Variants in ADAMTSL1 observed in about 807,000 individuals in gnomAD.
ADAMTSL1 encodes ADAMTS-like protein 1.
ADAMTSL1 carries 126 observed loss-of-function variants against 201.8 expected under a neutral mutation model. That is an observed-to-expected ratio of 0.62 (90% CI 0.54 to 0.72). The LOEUF (loss-of-function observed/expected upper bound fraction) is 0.72, where lower values mean the gene tolerates loss of function less well. Among genes scored for constraint, ADAMTSL1 ranks in the 30% least tolerant of loss-of-function variants. The probability of loss-of-function intolerance (pLI) is 0.00; values close to 1 mark genes in which losing one functional copy is unlikely to be tolerated. For missense variants in ADAMTSL1, 2,679 were observed against 2,277.8 expected, an observed-to-expected ratio of 1.18 and a Z score of -3.59; for synonymous variants, 1,121 against 903.4, an observed-to-expected ratio of 1.24 and a Z score of -4.32.
intron 1 of ADAMTSL1, among the ~76,000 whole-genome samples, chr9:17,973,816 T>C: frequency 6.7e-6 from 1 of 150,184 alleles, no homozygotes; most frequent in African/African-American, 2.5e-5. Context: ...GTTCTTCCAT[T>C]TGTTGGTGTC....
chr9:18,891,788 G>A (rs545669594), intron 25 of ADAMTSL1, among the ~76,000 whole-genome samples: 37 of 152,308 alleles, frequency 2.4e-4, no homozygotes, highest in Non-Finnish European at 5.1e-4. Context: ...AGGTCAGGAG[G>A]TGACACGAAT....
chr9:18,700,048 C>T (rs1831832000), intron 13 of ADAMTSL1, among the ~76,000 whole-genome samples: 3 of 152,122 alleles, frequency 2.0e-5, no homozygotes, highest in East Asian at 1.9e-4. Flanking sequence ...ATTAAATATC[C>T]TTGAGTAAAG....
chr9:18,410,556 C>T (rs1257865965), intron 2 of ADAMTSL1, among the ~76,000 whole-genome samples: 1 of 152,204 alleles, frequency 6.6e-6, no homozygotes, highest in East Asian at 1.9e-4. Flanking sequence ...GACATGATCT[C>T]ATTCCTTTTT....
chr9:18,087,880 A>G (rs1469151601), intron 1 of ADAMTSL1, among the ~76,000 whole-genome samples: 2 of 152,160 alleles, frequency 1.3e-5, no homozygotes, highest in African/African-American at 4.8e-5. Flanking sequence ...TGGATGAAAT[A>G]GAAAGCAGTT....
chr9:18,020,850 C>A lies in ADAMTSL1; in HGVS notation c.87+113928C>A, dbSNP rs190540899. On this transcript the variant is annotated intron_variant, in intron 1 of 29. Coordinates refer to the ADAMTSL1 transcript ENST00000680146. ...GCTACTGGCCAAGGAGTGAGCAAAG[C>A]GTCAGTAACTGCAACTCATTTACAC... Among the ~76,000 whole-genome samples the A allele has an allele frequency of 7.6e-3, 1,159 of 152,178 alleles. 7 individuals are homozygous for A. The highest frequency in any genetic ancestry group is 0.012 in the Non-Finnish European group (815 of 68,002).
chr9:18,714,315 G>A (rs1832784983), intron 14 of ADAMTSL1, among the ~76,000 whole-genome samples: 1 of 151,724 alleles, frequency 6.6e-6, no homozygotes, highest in Non-Finnish European at 1.5e-5. Context: ...CCAGGAGCTG[G>A]TTTTTTGAAA....
At chr9:18,294,470 G>A (rs766873954) in intron 2 of ADAMTSL1, among the ~76,000 whole-genome samples, 9 of 152,208 alleles carry the variant, frequency 5.9e-5, no homozygotes, top group Non-Finnish European at 1.2e-4. Context: ...CCGTGTGACT[G>A]TGTTTTCCTG....
At chr9:18,760,283 C>T (rs1563775273) in intron 16 of ADAMTSL1, among the ~76,000 whole-genome samples, 1 of 152,132 alleles carries the variant, frequency 6.6e-6, no homozygotes, top group Non-Finnish European at 1.5e-5. Context: ...TTTCTAATCC[C>T]TCTCCTTACA....
chr9:18,416,545 G>C (rs1225676172), intron 2 of ADAMTSL1, among the ~76,000 whole-genome samples: 1 of 151,858 alleles, frequency 6.6e-6, no homozygotes, highest in African/African-American at 2.4e-5. Context: ...TAAATAAAAA[G>C]ACACACATAG....
chr9:18,434,532 AAAG>A (rs1248159733), intron 2 of ADAMTSL1, among the ~76,000 whole-genome samples: 1 of 152,210 alleles, frequency 6.6e-6, no homozygotes, highest in Admixed American at 6.5e-5. Context: ...GAGAAAAAGA[AAAG>A]AAAATGTTCA....
At chr9:18,615,916 C>T (rs1312962896) in intron 4 of ADAMTSL1, among the ~76,000 whole-genome samples, 2 of 152,160 alleles carry the variant, frequency 1.3e-5, no homozygotes, top group African/African-American at 4.8e-5. Context: ...TATAGCTGCA[C>T]ATGTGCCAGA....
At chr9:18,029,886 G>A (rs1420716740) in intron 1 of ADAMTSL1, among the ~76,000 whole-genome samples, 1 of 151,996 alleles carries the variant, frequency 6.6e-6, no homozygotes, top group Non-Finnish European at 1.5e-5. Flanking sequence ...TCATTAAAAA[G>A]TCAGGAAACA....
At chr9:18,335,506 T>A (rs555866943) in intron 2 of ADAMTSL1, among the ~76,000 whole-genome samples, 1 of 152,030 alleles carries the variant, frequency 6.6e-6, no homozygotes, top group South Asian at 2.1e-4. Context: ...TACAGAAGTA[T>A]TGTGTGTTTG....
intron 4 of ADAMTSL1, among the ~76,000 whole-genome samples, chr9:18,612,401 A>G (rs1825436490): frequency 6.6e-6 from 1 of 152,190 alleles, no homozygotes; most frequent in African/African-American, 2.4e-5. Context: ...TATCCCTGTC[A>G]CTTGTGGTGT....
chr9:17,924,386 C>T (rs1181239582), intron 1 of ADAMTSL1, among the ~76,000 whole-genome samples: 2 of 152,090 alleles, frequency 1.3e-5, no homozygotes, highest in Non-Finnish European at 2.9e-5. Flanking sequence ...TTATCCATTT[C>T]GTCTAGATTT....
At chr9:17,992,514 A>T (rs1022633010) in intron 1 of ADAMTSL1, among the ~76,000 whole-genome samples, 14 of 152,270 alleles carry the variant, frequency 9.2e-5, no homozygotes, top group African/African-American at 3.1e-4. Flanking sequence ...GGGAAGCTGG[A>T]TGCAGTGATC....
At position 18,907,159 on chromosome 9, in the gene ADAMTSL1, A is replaced by G. The variant is rs149155596; in HGVS notation, c.5182+247A>G. 2.7e-3 allele frequency: 1,384 copies of G among 521,564 alleles called. 9 individuals carry two copies. The highest frequency in any genetic ancestry group is 0.01 in the South Asian group (449 of 42,856). 32.3% of individuals were successfully genotyped at this position (521,564 alleles called of 1,614,324 possible). On this transcript the variant is annotated intron_variant, in intron 28 of 28. Coordinates refer to ENST00000380548, the MANE Select transcript of ADAMTSL1 (RefSeq NM_001040272.6). ...CCTGGCCCTGAGAGAGCCAGGTGCTATTGGCCCAGTGCTGGAGGAAATCAG... is the reference window on the plus strand; with the variant it reads ...CCTGGCCCTGAGAGAGCCAGGTGCTGTTGGCCCAGTGCTGGAGGAAATCAG...
chr9:18,826,545 T>G, intron 22 of ADAMTSL1, 82 bp downstream of exon 22: 6 of 1,477,940 alleles, frequency 4.1e-6, no homozygotes, highest in Non-Finnish European at 5.5e-6. Context: ...CTTTGTGCCC[T>G]AATCCAATTA....
At chr9:18,843,177 T>A (rs1308569955) in intron 23 of ADAMTSL1, among the ~76,000 whole-genome samples, 2 of 151,062 alleles carry the variant, frequency 1.3e-5, no homozygotes, top group East Asian at 3.9e-4. Flanking sequence ...TGGTACCGGT[T>A]GTTCCTTTCC....
Sources: allele counts gnomAD v4.1 joint callset (sites outside exome capture counted in the v4.1 genomes callset), GRCh38; gene constraint gnomAD v4.1.1; transcripts MANE v1.5; gene names NCBI Gene and HGNC (gene_info 2026-07-23, HGNC 2026-07-21).